Variants in AK5 observed in about 807,000 individuals in gnomAD.
The protein encoded by AK5 is adenylate kinase isoenzyme 5.
Under a neutral mutation model 69.5 loss-of-function variants are expected in AK5, and 27 were observed. The observed-to-expected ratio is 0.39, with a 90% CI of 0.29 to 0.54. AK5 has a LOEUF of 0.54. Among genes scored for constraint, AK5 ranks in the 20% least tolerant of loss-of-function variants. AK5 has a pLI of 0.71. For missense variants in AK5, 531 were observed against 700.4 expected (o/e 0.76, Z 2.73); for synonymous variants, 260 against 244.4 (o/e 1.06, Z -0.60).
At chr1:77,371,985 C>T (rs1647130189) in intron 6 of AK5, among the ~76,000 whole-genome samples, 1 of 152,154 alleles carries the variant, frequency 6.6e-6, no homozygotes, top group Non-Finnish European at 1.5e-5. Flanking sequence ...GGTGTGAGTT[C>T]ATCTGAACTT....
chr1:77,283,542 A>G (rs954106090), intron 1 of AK5: 2 of 985,280 alleles, frequency 2.0e-6, no homozygotes, highest in Non-Finnish European at 2.4e-6. Context: ...GGTTGCCATA[A>G]TTACAGGTCT....
intron 8 of AK5, among the ~76,000 whole-genome samples, chr1:77,435,353 A>G (rs1329345693): frequency 6.6e-6 from 1 of 152,196 alleles, no homozygotes; most frequent in African/African-American, 2.4e-5. Context: ...GAAAGTAAAT[A>G]GACTGTAAAA....
At chr1:77,510,965 C>T (rs767263744) in intron 10 of AK5, among the ~76,000 whole-genome samples, 11 of 149,334 alleles carry the variant, frequency 7.4e-5, no homozygotes, top group Non-Finnish European at 1.5e-4. Flanking sequence ...CCTGCTTTGT[C>T]TCCTGTAAAA....
chr1:77,293,482 A>T (rs1284875855), intron 2 of AK5: 11 of 207,380 alleles, frequency 5.3e-5, no homozygotes, highest in Non-Finnish European at 9.5e-5. Flanking sequence ...AGCCAAGTTC[A>T]TCTCACTGCC....
intron 1 of AK5, chr1:77,283,327 G>C (rs1658169030): frequency 4.1e-6 from 4 of 985,268 alleles, no homozygotes; most frequent in Non-Finnish European, 4.8e-6. Context: ...AGCAAGCCAG[G>C]CTTCCTAAGC....
intron 5 of AK5, among the ~76,000 whole-genome samples, chr1:77,336,501 A>G (rs1242659533): frequency 1.3e-5 from 2 of 152,212 alleles, no homozygotes; most frequent in East Asian, 3.9e-4. Flanking sequence ...TGTTGTTTTT[A>G]TTTATATCTT....
At chr1:77,510,898 T>G (rs1332303533) in intron 10 of AK5, among the ~76,000 whole-genome samples, 4 of 151,386 alleles carry the variant, frequency 2.6e-5, no homozygotes, top group South Asian at 2.1e-4. Flanking sequence ...ACTAGATACA[T>G]GTATCTGTAC....
At chr1:77,470,859 ATATATATATATATATATTTT>A (rs1654448479) in intron 8 of AK5, among the ~76,000 whole-genome samples, 2 of 1,724 alleles carry the variant, frequency 1.2e-3, no homozygotes, top group Non-Finnish European at 2.2e-3. Context: ...ATATATATAT[ATATATATATATATATATTTT>A]TTTTTTTTTT....
At chr1:77,418,195 C>T (rs1416980483) in intron 8 of AK5, among the ~76,000 whole-genome samples, 1 of 152,114 alleles carries the variant, frequency 6.6e-6, no homozygotes, top group Non-Finnish European at 1.5e-5. Context: ...CTGGGGAGAC[C>T]TCACAATCAT....
chr1:77,288,783 T>A (rs1038204719), intron 2 of AK5, among the ~76,000 whole-genome samples: 1 of 152,122 alleles, frequency 6.6e-6, no homozygotes, highest in Non-Finnish European at 1.5e-5. Context: ...AATAGAAAAT[T>A]TTTGATGTGA....
At chr1:77,286,778 T>C (rs1378981700) in intron 1 of AK5, among the ~76,000 whole-genome samples, 163 bp from the exon 2 acceptor site, 2 of 151,962 alleles carry the variant, frequency 1.3e-5, no homozygotes, top group East Asian at 1.9e-4. Flanking sequence ...ACCAAGGAGG[T>C]AGAAGTTGCA....
In AK5 at chr1:77,293,326, G is replaced by T. The variant is rs979647197; in HGVS notation, c.248-467G>T. On this transcript the variant is annotated intron_variant, in intron 2 of 13. Transcript: ENST00000354567. ...ATATAAGCATTAGCTTTATGGACAGGCTGCTGCATATGCTTGTGAAGGTTA... is the reference window on the plus strand; with the variant it reads ...ATATAAGCATTAGCTTTATGGACAGTCTGCTGCATATGCTTGTGAAGGTTA... Among the ~76,000 whole-genome samples the T allele has an allele frequency of 2.0e-5, 3 of 152,248 alleles. No individual in the cohort carries two copies. The East Asian group carries it at 5.8e-4, about 29-fold the overall frequency.
intron 13 of AK5, among the ~76,000 whole-genome samples, chr1:77,552,494 A>G (rs1433377605): frequency 6.6e-6 from 1 of 152,198 alleles, no homozygotes; most frequent in East Asian, 1.9e-4. Flanking sequence ...AGTGAATTGC[A>G]ACAAGTAAAT....
Position 77,478,014 on chromosome 1 carries a change from T to C in AK5, c.1060-5303T>C, listed in dbSNP as rs1202449460. On this transcript the variant is annotated intron_variant, in intron 8 of 13. Transcript: ENST00000354567. ...GGCATATCTGAATACATGATTGTCA[T>C]CTCCAAGAGCAGTAAGAGGATGCTG... 2.6e-5 allele frequency among the ~76,000 whole-genome samples: 4 copies of C among 152,274 alleles called. No individual in the cohort carries two copies. In the South Asian group the frequency reaches 6.2e-4, roughly 24 times the overall value.
intron 7 of AK5, among the ~76,000 whole-genome samples, chr1:77,413,835 A>G (rs769980354): frequency 2.0e-5 from 3 of 151,888 alleles, no homozygotes; most frequent in Admixed American, 6.6e-5. Flanking sequence ...CCCTGCCCCA[A>G]CCCTGTCCTG....
At chr1:77,298,337 T>C (rs1229762705) in intron 5 of AK5, among the ~76,000 whole-genome samples, 1 of 152,036 alleles carries the variant, frequency 6.6e-6, no homozygotes, top group Admixed American at 6.6e-5. Context: ...TTTCTTCAGG[T>C]TGTGAAATAC....
chr1:77,355,088 T>C (rs1195518555), intron 6 of AK5, among the ~76,000 whole-genome samples: 1 of 152,232 alleles, frequency 6.6e-6, no homozygotes, highest in Non-Finnish European at 1.5e-5. Context: ...ACAAATGAAT[T>C]CTAGCAGAAG....
chr1:77,523,015 G>C (rs1658082029), intron 12 of AK5, among the ~76,000 whole-genome samples: 1 of 152,156 alleles, frequency 6.6e-6, no homozygotes, highest in Admixed American at 6.5e-5. Flanking sequence ...TTACTGGTAA[G>C]TGCCAACTGC....
At chr1:77,446,114 TA>T (rs747498091) in intron 8 of AK5, among the ~76,000 whole-genome samples, 3 of 152,216 alleles carry the variant, frequency 2.0e-5, no homozygotes, top group Non-Finnish European at 2.9e-5. Flanking sequence ...GTATCTGGTA[TA>T]AAATAAGAGT....
Sources: allele counts gnomAD v4.1 joint callset (sites outside exome capture counted in the v4.1 genomes callset), GRCh38; gene constraint gnomAD v4.1.1; transcripts MANE v1.5; gene names NCBI Gene and HGNC (gene_info 2026-07-23, HGNC 2026-07-21).